The following ROR1 variants were observed in gnomAD, a reference collection of about 807,000 sequenced individuals.
ROR1 encodes inactive tyrosine-protein kinase transmembrane receptor ROR1.
A neutral mutation model predicts 78.8 loss-of-function variants in ROR1; 19 were observed. That is an observed-to-expected ratio of 0.24 (90% CI 0.17 to 0.35). The LOEUF is 0.35. ROR1 is among the 10% of genes least tolerant of loss of function. The probability of loss-of-function intolerance (pLI) is 1.00; values close to 1 mark genes in which losing one functional copy is unlikely to be tolerated. For synonymous variants in ROR1, 386 were observed against 433.6 expected, an observed-to-expected ratio of 0.89 and a Z score of 1.36; for missense variants, 917 against 1,177.8, an observed-to-expected ratio of 0.78 and a Z score of 3.24.
intron 4 of ROR1, among the ~76,000 whole-genome samples, chr1:64,116,480 A>G (rs1409040775): frequency 6.6e-6 from 1 of 152,198 alleles, no homozygotes; most frequent in Non-Finnish European, 1.5e-5. Context: ...TATTACCTCA[A>G]AAAGTATAGC....
chr1:63,805,736 C>T (rs1035487938), intron 1 of ROR1, among the ~76,000 whole-genome samples: 38 of 152,182 alleles, frequency 2.5e-4, no homozygotes, highest in African/African-American at 8.0e-4. Flanking sequence ...CATTACAGGC[C>T]GGGTACAGTG....
rs141605661 is a variant in ROR1 at position 63,924,467 on chromosome 1, C to T, written c.92-84838C>T. Among the ~76,000 whole-genome samples the T allele has an allele frequency of 5.7e-3, 859 of 151,504 alleles. 7 individuals carry two copies. The highest frequency in any genetic ancestry group is 0.02 in the African/African-American group (829 of 40,882). On this transcript the variant is annotated intron_variant, in intron 1 of 8. Transcript: ENST00000371079. ...AAGCCGAGGTTTGGGATCCAGTGGC[C>T]ATGGACAGGCCTGATGGGAAGGGGT...
At chr1:64,058,868 C>G (rs370274736) in intron 4 of ROR1, among the ~76,000 whole-genome samples, 1 of 151,900 alleles carries the variant, frequency 6.6e-6, no homozygotes, top group African/African-American at 2.4e-5. Context: ...GGGAAGTATT[C>G]CTTTTTCTTC....
intron 1 of ROR1, among the ~76,000 whole-genome samples, chr1:63,934,588 T>A (rs1569936785): frequency 1.3e-5 from 2 of 152,214 alleles, no homozygotes; most frequent in East Asian, 3.9e-4. Flanking sequence ...TACCAAATTC[T>A]TACCCCGTGA....
At chr1:63,843,149 T>C (rs1472348127) in intron 1 of ROR1, 1 of 868,170 alleles carries the variant, frequency 1.2e-6, no homozygotes, top group Admixed American at 1.9e-5. Flanking sequence ...CGAGGGCAGA[T>C]GTGGGGCTGC....
chr1:63,844,505 C>T (rs1645068741), intron 1 of ROR1, among the ~76,000 whole-genome samples: 2 of 151,914 alleles, frequency 1.3e-5, no homozygotes, highest in Non-Finnish European at 2.9e-5. Flanking sequence ...GTGTTGCTAG[C>T]ACATAGCATG....
chr1:63,851,115 G>T (rs531372610), intron 1 of ROR1, among the ~76,000 whole-genome samples: 9 of 152,280 alleles, frequency 5.9e-5, no homozygotes, highest in Middle Eastern at 3.4e-3. Context: ...GAGTAGCTGG[G>T]ACTATAGGCG....
rs115140732 is a variant in ROR1, at chr1:64,054,431, C to A, written c.482+3715C>A. ...AGCTGGGACTACAGGTGCCAGCCAA[C>A]ATGCCTGGTTGTAATTCTTACACTG... On this transcript the variant is annotated intron_variant, in intron 4 of 8. Coordinates refer to ENST00000371079, the MANE Select transcript of ROR1 (RefSeq NM_005012.4). Among the ~76,000 whole-genome samples the A allele has an allele frequency of 8.1e-3, 1,230 of 152,296 alleles. 13 individuals carry two copies. The highest frequency in any genetic ancestry group is 0.028 in the African/African-American group (1,181 of 41,548).
chr1:63,809,664 T>C (rs1294850410), intron 1 of ROR1, among the ~76,000 whole-genome samples: 1 of 152,176 alleles, frequency 6.6e-6, no homozygotes, highest in Admixed American at 6.5e-5. Flanking sequence ...TTTTAAGAAT[T>C]GAGTGTTTCT....
chr1:63,942,022 G>A (rs2100458001), intron 1 of ROR1, among the ~76,000 whole-genome samples: 1 of 152,292 alleles, frequency 6.6e-6, no homozygotes, highest in East Asian at 1.9e-4. Context: ...TCAAATTCAG[G>A]CATTCTACTC....
chr1:64,081,823 C>A (rs1457092987), intron 4 of ROR1, among the ~76,000 whole-genome samples: 1 of 147,830 alleles, frequency 6.8e-6, no homozygotes, highest in Non-Finnish European at 1.5e-5. Flanking sequence ...TACACAAACA[C>A]ACATTTATAT....
intron 4 of ROR1, among the ~76,000 whole-genome samples, chr1:64,086,238 G>C (rs1472315306): frequency 6.6e-6 from 1 of 152,200 alleles, no homozygotes; most frequent in East Asian, 1.9e-4. Flanking sequence ...CCATTTTACA[G>C]ACAAAGCAAC....
intron 1 of ROR1, among the ~76,000 whole-genome samples, chr1:63,830,386 G>A (rs1644980271): frequency 6.6e-6 from 1 of 152,202 alleles, no homozygotes; most frequent in African/African-American, 2.4e-5. Flanking sequence ...AATTGACTCA[G>A]ACTTCTGCAT....
At chr1:63,873,738 A>G (rs1190911685) in intron 1 of ROR1, among the ~76,000 whole-genome samples, 2 of 124,122 alleles carry the variant, frequency 1.6e-5, no homozygotes, top group African/African-American at 7.5e-5. Context: ...AGAAAAAAGA[A>G]ATTTTAAAAA....
At chr1:63,877,870 T>G (rs1645297818) in intron 1 of ROR1, among the ~76,000 whole-genome samples, 1 of 152,168 alleles carries the variant, frequency 6.6e-6, no homozygotes, top group African/African-American at 2.4e-5. Flanking sequence ...GATGAATTAG[T>G]AAGAACATAT....
chr1:63,957,627 G>A (rs577069189), intron 1 of ROR1, among the ~76,000 whole-genome samples: 13 of 152,286 alleles, frequency 8.5e-5, no homozygotes, highest in Non-Finnish European at 1.3e-4. Context: ...TCCACTGCAT[G>A]AAGTCTGTCA....
rs994832278 is a variant in ROR1, at chr1:64,173,978, A to AT, written c.1387-3438dup. Among the ~76,000 whole-genome samples, 147 of 147,896 alleles carry AT rather than the reference A, an allele frequency of 9.9e-4. 1 individual carries two copies. Among genetic ancestry groups the AT allele is most frequent in the South Asian group, 3.2e-3 (15 of 4,630 alleles). Reference sequence around the variant, plus strand: ...ACAAATTCCCTGTCATTTTTAAAGGATTTTTTTTTTTTAACTAGCAACTAC... The same window carrying AT: ...ACAAATTCCCTGTCATTTTTAAAGGATTTTTTTTTTTTTAACTAGCAACTAC... On this transcript the variant is annotated intron_variant, in intron 8 of 8. Transcript: ENST00000371079.
intron 1 of ROR1, among the ~76,000 whole-genome samples, chr1:63,940,215 A>T (rs1645825136): frequency 6.6e-6 from 1 of 152,082 alleles, no homozygotes; most frequent in Non-Finnish European, 1.5e-5. Flanking sequence ...AGGGGTCCTC[A>T]AGTAAAAAGG....
At chr1:63,912,472 G>C (rs2100418401) in intron 1 of ROR1, among the ~76,000 whole-genome samples, 1 of 152,264 alleles carries the variant, frequency 6.6e-6, no homozygotes, top group East Asian at 1.9e-4. Flanking sequence ...GTGGAGAAAG[G>C]CAGAGCTATT....
Sources: allele counts gnomAD v4.1 joint callset (sites outside exome capture counted in the v4.1 genomes callset), GRCh38; gene constraint gnomAD v4.1.1; transcripts MANE v1.5; gene names NCBI Gene and HGNC (gene_info 2026-07-23, HGNC 2026-07-21).